Variants in USP31 observed in about 807,000 individuals in gnomAD.
USP31 encodes ubiquitin carboxyl-terminal hydrolase 31.
In USP31, 44 loss-of-function variants were observed where a neutral mutation model predicts 119.4. The ratio of observed to expected loss-of-function variants is 0.37; its 90% CI spans 0.29 to 0.47. USP31 has a LOEUF of 0.47. Among genes scored for constraint, USP31 ranks in the 20% least tolerant of loss-of-function variants. The probability of loss-of-function intolerance (pLI) is 0.99; values close to 1 mark genes in which losing one functional copy is unlikely to be tolerated. For synonymous variants in USP31, 749 were observed against 705.6 expected (o/e 1.06, Z -0.97); for missense variants, 1,643 against 1,730.2 (o/e 0.95, Z 0.89).
chr16:23,131,077 A>G (rs1420034748), intron 1 of USP31, among the ~76,000 whole-genome samples: 1 of 152,222 alleles, frequency 6.6e-6, no homozygotes, highest in Non-Finnish European at 1.5e-5. Flanking sequence ...TAGAAGGCCA[A>G]GGTGTGAGGA....
intron 6 of USP31, among the ~76,000 whole-genome samples, chr16:23,095,610 T>C (rs909194921): frequency 1.3e-5 from 2 of 152,156 alleles, no homozygotes; most frequent in Non-Finnish European, 2.9e-5. Context: ...AAGGTCAGGT[T>C]ACCCACAAAG....
In USP31 at chr16:23,068,426, A is replaced by C; in HGVS notation, c.3679T>G (p.Ser1227Ala). The part of the protein sequence containing the change: ...RDSKSEDKGL[S>A]FFKSALRQKE... ...TGTCTCAAGGCTGATTTGAAGAAGGACAGCCCCTTGTCCTCAGACTTGCTG... is the reference window on the plus strand; with the variant it reads ...TGTCTCAAGGCTGATTTGAAGAAGGCCAGCCCCTTGTCCTCAGACTTGCTG... Residue 1227 changes from serine to alanine, a missense_variant, in exon 16 of 16, where the codon TCC (serine) becomes GCC (alanine). By Grantham distance (99) the Ser-to-Ala change is moderately conservative. Coordinates refer to ENST00000219689, the MANE Select transcript of USP31 (RefSeq NM_020718.4). The C allele has an allele frequency of 6.2e-7, 1 of 1,613,756 alleles. No homozygotes were observed.
At chr16:23,088,512 T>C (rs914564564) in intron 7 of USP31, among the ~76,000 whole-genome samples, 1 of 152,204 alleles carries the variant, frequency 6.6e-6, no homozygotes, top group African/African-American at 2.4e-5. Flanking sequence ...AGGACCACTA[T>C]CCTAGCCTCA....
rs192629130 is a variant in USP31, at chr16:23,096,494, A to G, written c.1235-5690T>C. Among the ~76,000 whole-genome samples the G allele has an allele frequency of 2.4e-4, 36 of 152,254 alleles. No homozygotes were observed. The East Asian group carries it at 6.4e-3, about 27-fold the overall frequency. ...ACTCAGCTCTGCACCAAGCAGACCT[A>G]ATAGACATCTACAGAACTCTCCACC... On this transcript the variant is annotated intron_variant, in intron 6 of 15. Coordinates refer to ENST00000219689, the MANE Select transcript of USP31 (RefSeq NM_020718.4).
At chr16:23,078,707 T>C (rs1472456871) in intron 13 of USP31, among the ~76,000 whole-genome samples, 1 of 152,220 alleles carries the variant, frequency 6.6e-6, no homozygotes, top group South Asian at 2.1e-4. Flanking sequence ...TCTGCTGTGA[T>C]AGAGCCCAGG....
intron 1 of USP31, among the ~76,000 whole-genome samples, chr16:23,139,994 A>C (rs1056040917): frequency 6.6e-6 from 1 of 151,932 alleles, no homozygotes; most frequent in African/African-American, 2.4e-5. Flanking sequence ...ACTTGGATTC[A>C]CCTTTCCTCC....
rs1407533550 is a variant in USP31, at chr16:23,066,919, A to G, written c.*1127T>C. On this transcript the variant is annotated 3_prime_UTR_variant, in exon 16 of 16. Transcript: ENST00000219689. Reference sequence around the variant, plus strand: ...TGAAAGGCAGCCCTAACAGAGACTGACAGACAGGATCTGAAGTGCATATGT... The same window carrying G: ...TGAAAGGCAGCCCTAACAGAGACTGGCAGACAGGATCTGAAGTGCATATGT... The G allele has an allele frequency of 1.3e-5, 2 of 152,242 alleles. No homozygotes were observed. Among genetic ancestry groups the G allele is most frequent in the Non-Finnish European group, 2.9e-5 (2 of 68,046 alleles). 9.4% of individuals were successfully genotyped at this position (152,242 alleles called of 1,614,324 possible). A position where few individuals can be genotyped will look rare whatever the true frequency, so the allele number is the denominator to read the frequency against.
At chr16:23,118,497 C>G (rs905194461) in intron 1 of USP31, among the ~76,000 whole-genome samples, 3 of 152,008 alleles carry the variant, frequency 2.0e-5, no homozygotes, top group Non-Finnish European at 4.4e-5. Context: ...GAAGCCAAGT[C>G]TGAGAACGAA....
At chr16:23,111,928 A>C (rs953854613) in intron 1 of USP31, among the ~76,000 whole-genome samples, 5 of 152,230 alleles carry the variant, frequency 3.3e-5, no homozygotes, top group African/African-American at 1.2e-4. Context: ...AAGAAGGAAC[A>C]GATTTGCGAT....
intron 7 of USP31, among the ~76,000 whole-genome samples, chr16:23,089,132 C>T (rs1304074229): frequency 6.6e-6 from 1 of 152,170 alleles, no homozygotes; most frequent in Non-Finnish European, 1.5e-5. Flanking sequence ...TTACTTCATT[C>T]CTTCTGTGCC....
chr16:23,128,634 TA>T (rs1201511820), intron 1 of USP31, among the ~76,000 whole-genome samples: 2 of 152,108 alleles, frequency 1.3e-5, no homozygotes, highest in African/African-American at 4.8e-5. Flanking sequence ...AGCTAACAAG[TA>T]AAAAAGGAAT....
At chr16:23,088,681 G>A (rs927604211) in intron 7 of USP31, among the ~76,000 whole-genome samples, 1 of 152,192 alleles carries the variant, frequency 6.6e-6, no homozygotes, top group Admixed American at 6.5e-5. Flanking sequence ...AAGACCCAGT[G>A]GAGGTATTCT....
At chr16:23,132,257 G>A (rs1903052421) in intron 1 of USP31, among the ~76,000 whole-genome samples, 1 of 151,736 alleles carries the variant, frequency 6.6e-6, no homozygotes, top group African/African-American at 2.4e-5. Flanking sequence ...TATTTTTGAA[G>A]GAAGAAGCAA....
chr16:23,114,990 T>C (rs770015555), intron 1 of USP31, among the ~76,000 whole-genome samples: 2 of 152,246 alleles, frequency 1.3e-5, no homozygotes, highest in South Asian at 2.1e-4. Flanking sequence ...AGAAAAGCAG[T>C]AGGAGTCAAG....
At chr16:23,143,300 T>A (rs1420558295) in intron 1 of USP31, among the ~76,000 whole-genome samples, 1 of 152,226 alleles carries the variant, frequency 6.6e-6, no homozygotes, top group Non-Finnish European at 1.5e-5. Flanking sequence ...TCTTTCTTGC[T>A]TGAAAGATGA....
chr16:23,092,120 G>A (rs1004653712), intron 6 of USP31, among the ~76,000 whole-genome samples: 2 of 152,170 alleles, frequency 1.3e-5, no homozygotes, highest in African/African-American at 4.8e-5. Context: ...TCATCTCCAA[G>A]TCTCAGCTTC....
intron 1 of USP31, among the ~76,000 whole-genome samples, chr16:23,112,708 C>T (rs1902360129): frequency 6.6e-6 from 1 of 151,854 alleles, no homozygotes; most frequent in Admixed American, 6.6e-5. Flanking sequence ...AGAATGTGAC[C>T]TACAGAAGAG....
At chr16:23,139,586 C>A (rs561629754) in intron 1 of USP31, among the ~76,000 whole-genome samples, 15 of 152,310 alleles carry the variant, frequency 9.8e-5, no homozygotes, top group African/African-American at 3.1e-4. Flanking sequence ...CCTGTCCTCT[C>A]ATTTTTAGTT....
At chr16:23,082,707 T>A in intron 11 of USP31, 150 bp from the exon 12 acceptor site, 2 of 1,057,990 alleles carry the variant, frequency 1.9e-6, no homozygotes, top group Non-Finnish European at 2.7e-6. Flanking sequence ...CAATCAAAAG[T>A]AGCCAGAGCT....
Sources: gnomAD v4.1 joint callset for allele counts (sites outside exome capture counted in the v4.1 genomes callset) on GRCh38, gnomAD v4.1.1 for gene constraint, MANE v1.5 for transcripts, NCBI Gene and HGNC (gene_info 2026-07-23, HGNC 2026-07-21) for gene names.